GRIP1: variants seen among roughly 807,000 people sequenced by gnomAD.
The protein encoded by GRIP1 is glutamate receptor interacting protein 1.
A neutral mutation model predicts 129.9 loss-of-function variants in GRIP1; 45 were observed. That is an observed-to-expected ratio of 0.35 (90% confidence interval 0.27 to 0.44). GRIP1 has a LOEUF of 0.44. GRIP1 is among the 20% of genes least tolerant of loss of function. The pLI is 1.00. For synonymous variants in GRIP1, 530 were observed against 520.8 expected, an observed-to-expected ratio of 1.02 and a Z score of -0.24; for missense variants, 1,196 against 1,396.8, an observed-to-expected ratio of 0.86 and a Z score of 2.29.
At chr12:66,542,108 G>C (rs551833094) in intron 2 of GRIP1, among the ~76,000 whole-genome samples, 158 bp from the exon 3 acceptor site, 1 of 152,316 alleles carries the variant, frequency 6.6e-6, no homozygotes, top group African/African-American at 2.4e-5. Flanking sequence ...AGATGTGCAT[G>C]CAGGTAATGC....
chr12:66,707,779 C>T (rs939301327), intron 1 of GRIP1, among the ~76,000 whole-genome samples: 84 of 151,994 alleles, frequency 5.5e-4, no homozygotes, highest in African/African-American at 2.0e-3. Flanking sequence ...TACTGAAAAC[C>T]CATCTTTTGC....
chr12:67,038,884 ACT>A lies in GRIP1; in HGVS notation c.58+30164_58+30165del. Among the ~76,000 whole-genome samples the A allele has an allele frequency of 3.3e-5, 5 of 152,282 alleles. 1 individual carries two copies. Among genetic ancestry groups the A allele is most frequent in the Admixed American group, 3.3e-4 (5 of 15,280 alleles). Reference sequence around the variant, plus strand: ...TCAATCAATAACTTAGCGCAGCATGACTCTGTACTCACTGCAGATCAATACTA... The same window carrying A: ...TCAATCAATAACTTAGCGCAGCATGACTGTACTCACTGCAGATCAATACTA... On this transcript the variant is annotated intron_variant, in intron 1 of 1. Transcript: ENST00000643019.
chr12:66,993,178 C>T (rs1294564373), intron 1 of GRIP1, among the ~76,000 whole-genome samples: 1 of 150,138 alleles, frequency 6.7e-6, no homozygotes, highest in Non-Finnish European at 1.5e-5. Flanking sequence ...TAAAATATAC[C>T]AAAAACTATG....
chr12:66,778,465 C>T (rs2038058459), intron 1 of GRIP1, among the ~76,000 whole-genome samples: 1 of 152,116 alleles, frequency 6.6e-6, no homozygotes, highest in Admixed American at 6.6e-5. Flanking sequence ...ATATAAGATA[C>T]TTGCTACATA....
intron 1 of GRIP1, among the ~76,000 whole-genome samples, chr12:66,956,032 C>T (rs1183860791): frequency 6.6e-6 from 1 of 152,126 alleles, no homozygotes; most frequent in Non-Finnish European, 1.5e-5. Context: ...TTCCATATGC[C>T]CTTCAAGCAG....
At chr12:66,772,197 T>A (rs1462083188) in intron 1 of GRIP1, among the ~76,000 whole-genome samples, 1 of 152,240 alleles carries the variant, frequency 6.6e-6, no homozygotes, top group Non-Finnish European at 1.5e-5. Flanking sequence ...AGTGCCAGAA[T>A]GTAAACCTGG....
chr12:66,916,174 T>G (rs1035484194), intron 1 of GRIP1, among the ~76,000 whole-genome samples: 3 of 152,004 alleles, frequency 2.0e-5, no homozygotes, highest in Admixed American at 2.0e-4. Context: ...AAAAGGAAAA[T>G]GGCAAGTATG....
intron 23 of GRIP1, among the ~76,000 whole-genome samples, chr12:66,362,302 C>T (rs769134123): frequency 6.6e-6 from 1 of 151,694 alleles, no homozygotes; most frequent in Admixed American, 6.6e-5. Context: ...TACGGGCCTG[C>T]ACCACCATGC....
intron 1 of GRIP1, among the ~76,000 whole-genome samples, chr12:66,923,654 T>C (rs971078321): frequency 1.3e-5 from 2 of 152,184 alleles, no homozygotes; most frequent in Non-Finnish European, 2.9e-5. Context: ...TTTGAGTCAG[T>C]ACAGAGTAAG....
At chr12:66,859,910 A>G (rs1160760996) in intron 1 of GRIP1, among the ~76,000 whole-genome samples, 3 of 152,008 alleles carry the variant, frequency 2.0e-5, no homozygotes, top group Non-Finnish European at 4.4e-5. Flanking sequence ...CTTCATCTGA[A>G]GGTCCCCTAT....
At chr12:66,743,960 T>C (rs904676573) in intron 1 of GRIP1, among the ~76,000 whole-genome samples, 1 of 152,192 alleles carries the variant, frequency 6.6e-6, no homozygotes, top group African/African-American at 2.4e-5. Flanking sequence ...ACAGAATTCC[T>C]TGTCCTTATC....
At chr12:66,948,170 A>G (rs994604821) in intron 1 of GRIP1, among the ~76,000 whole-genome samples, 3 of 152,228 alleles carry the variant, frequency 2.0e-5, no homozygotes, top group African/African-American at 2.4e-5. Flanking sequence ...TGATCTAGAA[A>G]ACTAATTTTA....
chr12:67,053,594 C>T (rs1565657808), intron 1 of GRIP1, among the ~76,000 whole-genome samples: 1 of 152,054 alleles, frequency 6.6e-6, no homozygotes, highest in African/African-American at 2.4e-5. Context: ...AATCCCAGCA[C>T]TTTGGGAGGC....
chr12:66,723,292 CTTTCTTTCTTTCTTTTTTT>C (rs2036140252), intron 1 of GRIP1, among the ~76,000 whole-genome samples: 2 of 28,300 alleles, frequency 7.1e-5, no homozygotes, highest in African/African-American at 3.6e-4. Flanking sequence ...TCCTTTCTTT[CTTTCTTTCTTTCTTTTTTT>C]TTTTTTTTTT....
chr12:66,828,250 T>C (rs1229322475), intron 1 of GRIP1, among the ~76,000 whole-genome samples: 4 of 152,214 alleles, frequency 2.6e-5, no homozygotes, highest in Non-Finnish European at 5.9e-5. Context: ...ATGCCATATG[T>C]GATAGTATTA....
chr12:66,889,745 T>G (rs921181028), intron 1 of GRIP1, among the ~76,000 whole-genome samples: 2 of 152,226 alleles, frequency 1.3e-5, no homozygotes, highest in Non-Finnish European at 2.9e-5. Context: ...AATGTCATCA[T>G]GTGTTAACTG....
intron 1 of GRIP1, among the ~76,000 whole-genome samples, chr12:66,820,138 C>T (rs1029778427): frequency 2.6e-5 from 4 of 152,236 alleles, no homozygotes; most frequent in African/African-American, 4.8e-5. Context: ...GGGCTGGGCA[C>T]GGTGGCTCAC....
chr12:66,497,806 C>T (rs547914563), intron 7 of GRIP1, among the ~76,000 whole-genome samples: 13 of 152,250 alleles, frequency 8.5e-5, no homozygotes, highest in East Asian at 5.8e-4. Flanking sequence ...GCCAAGCCAT[C>T]GCATCCCCTG....
chr12:66,490,921 C>T (rs1181253339), intron 7 of GRIP1, among the ~76,000 whole-genome samples: 1 of 152,152 alleles, frequency 6.6e-6, no homozygotes, highest in Admixed American at 6.5e-5. Flanking sequence ...TACCATCTCA[C>T]ACCAGTCAGA....
Sources: allele counts gnomAD v4.1 joint callset (sites outside exome capture counted in the v4.1 genomes callset), GRCh38; gene constraint gnomAD v4.1.1; transcripts MANE v1.5; gene names NCBI Gene and HGNC (gene_info 2026-07-23, HGNC 2026-07-21).